The following GLYAT variants were observed in gnomAD, a reference collection of about 807,000 sequenced individuals.
GLYAT encodes glycine N-acyltransferase.
A neutral mutation model predicts 22.8 loss-of-function variants in GLYAT; 25 were observed. The observed-to-expected ratio is 1.09, with a 90% CI of 0.80 to 1.53. The LOEUF is 1.53. Among genes scored for constraint, GLYAT ranks in the 40% most tolerant of loss-of-function variants. GLYAT has a pLI of 0.00. For missense variants in GLYAT, 411 were observed against 353.9 expected, an observed-to-expected ratio of 1.16 and a Z score of -1.29; for synonymous variants, 140 against 122.7, an observed-to-expected ratio of 1.14 and a Z score of -0.93.
chr11:58,717,244 G>C (rs985095810), intron 2 of GLYAT, among the ~76,000 whole-genome samples: 17 of 152,078 alleles, frequency 1.1e-4, no homozygotes, highest in Admixed American at 7.2e-4. Flanking sequence ...CTTACGGCTA[G>C]GACAGTTTAT....
chr11:58,724,913 CT>C (rs1856796948), intron 1 of GLYAT, among the ~76,000 whole-genome samples: 2 of 152,056 alleles, frequency 1.3e-5, no homozygotes, highest in South Asian at 4.1e-4. Flanking sequence ...CACTATATCA[CT>C]CAGAATTTTT....
intron 1 of GLYAT, among the ~76,000 whole-genome samples, 199 bp from the exon 2 acceptor site, chr11:58,724,710 AC>A (rs1336928686): frequency 6.6e-6 from 1 of 152,004 alleles, no homozygotes; most frequent in East Asian, 1.9e-4. Context: ...CTTTTTTCTT[AC>A]CCTTTGATGA....
chr11:58,730,679 A>C (rs1308587819), intron 1 of GLYAT, among the ~76,000 whole-genome samples: 1 of 152,040 alleles, frequency 6.6e-6, no homozygotes, highest in Non-Finnish European at 1.5e-5. Context: ...CTAACCCTGG[A>C]CTCACTTGAG....
intron 2 of GLYAT, among the ~76,000 whole-genome samples, chr11:58,721,394 A>G (rs1269376118): frequency 6.6e-6 from 1 of 151,950 alleles, no homozygotes; most frequent in African/African-American, 2.4e-5. Flanking sequence ...TTAAATAACC[A>G]CGTAGCCTTT....
chr11:58,710,495 A>G (rs1856600711), intron 5 of GLYAT, 95 bp downstream of exon 5: 1 of 965,006 alleles, frequency 1.0e-6, no homozygotes, highest in South Asian at 1.4e-5. Flanking sequence ...TTTGTACAAC[A>G]TTGATTGTAG....
chr11:58,721,077 T>C (rs1196027044), intron 2 of GLYAT, among the ~76,000 whole-genome samples: 1 of 151,952 alleles, frequency 6.6e-6, no homozygotes, highest in East Asian at 1.9e-4. Flanking sequence ...TTGTATACAA[T>C]ACATAAATAC....
chr11:58,719,132 T>C (rs921247454), intron 2 of GLYAT, among the ~76,000 whole-genome samples: 34 of 152,004 alleles, frequency 2.2e-4, no homozygotes, highest in Non-Finnish European at 7.4e-5. Context: ...TTTTGGAAAG[T>C]TGTCAAATGT....
intron 2 of GLYAT, among the ~76,000 whole-genome samples, chr11:58,717,608 G>GAA (rs1165017643): frequency 6.6e-6 from 1 of 151,778 alleles, no homozygotes; most frequent in Admixed American, 6.6e-5. Context: ...TTGTAGCCAA[G>GAA]AAAAATAGAA....
intron 1 of GLYAT, among the ~76,000 whole-genome samples, chr11:58,728,124 G>C (rs1856829065): frequency 7.2e-6 from 1 of 138,678 alleles, no homozygotes; most frequent in African/African-American, 2.8e-5. Context: ...GTGCAGTGGT[G>C]CAATCTCGGC....
chr11:58,712,415 T>C (rs959698393), intron 4 of GLYAT, among the ~76,000 whole-genome samples: 2 of 152,112 alleles, frequency 1.3e-5, no homozygotes, highest in African/African-American at 4.8e-5. Context: ...TGGGAAGTAT[T>C]CTATGGCCAA....
rs542103727 is a variant in GLYAT at position 58,721,901 on chromosome 11, A to G, written c.81+2515T>C. Among the ~76,000 whole-genome samples the G allele has an allele frequency of 3.2e-3, 484 of 152,170 alleles. 2 individuals carry two copies. The highest frequency in any genetic ancestry group is 5.8e-3 in the Non-Finnish European group (396 of 67,962). Reference sequence around the variant, plus strand: ...TTTCAATTTGTCCAAGAAAAATACAAAGAACAAAAAAGTTAAGCAAAACTA... The same window carrying G: ...TTTCAATTTGTCCAAGAAAAATACAGAGAACAAAAAAGTTAAGCAAAACTA... On this transcript the variant is annotated intron_variant, in intron 2 of 5. Coordinates refer to ENST00000344743, the MANE Select transcript of GLYAT (RefSeq NM_201648.3).
intron 2 of GLYAT, among the ~76,000 whole-genome samples, chr11:58,723,059 A>T (rs924968950): frequency 9.2e-5 from 14 of 152,064 alleles, no homozygotes; most frequent in Admixed American, 9.2e-4. Flanking sequence ...CTTGGGAAAC[A>T]CCTAGAGTTT....
intron 2 of GLYAT, among the ~76,000 whole-genome samples, chr11:58,715,882 ATGTTCT>A (rs1362856674): frequency 6.6e-6 from 1 of 152,170 alleles, no homozygotes; most frequent in Non-Finnish European, 1.5e-5. Context: ...TCTTTATAGA[ATGTTCT>A]TTCACAGGAA....
chr11:58,714,541 A>T (rs1167859118), intron 3 of GLYAT, among the ~76,000 whole-genome samples: 2 of 152,158 alleles, frequency 1.3e-5, no homozygotes, highest in African/African-American at 4.8e-5. Context: ...GTCCCCACCC[A>T]AATCTCACCT....
chr11:58,729,594 T>C (rs1414146874), intron 1 of GLYAT, among the ~76,000 whole-genome samples: 2 of 152,204 alleles, frequency 1.3e-5, no homozygotes, highest in African/African-American at 4.8e-5. Context: ...AACGAATGAT[T>C]GAATACATGA....
In GLYAT at chr11:58,715,365, A is replaced by C. The variant is rs1856666837; in HGVS notation, c.140T>G (p.Val47Gly). Residue 47 changes from valine (V) to glycine (G), a missense_variant, in exon 3 of 6, where the codon GTG (valine) becomes GGG (glycine). Transcript: ENST00000344743. ...HGNPFNLKAV[V>G]DKWPDFNTVV... ...TGTATTAAAATCAGGCCACTTGTCC[A>C]CCACAGCCTTCAGATTGAATGGATT... is the stretch of plus-strand genomic sequence containing the variant. The C allele has an allele frequency of 1.2e-6, 2 of 1,604,106 alleles. No homozygotes were observed. Among genetic ancestry groups the C allele is most frequent in the Non-Finnish European group, 8.5e-7 (1 of 1,171,288 alleles).
chr11:58,726,867 G>T (rs568857945), intron 1 of GLYAT, among the ~76,000 whole-genome samples: 1 of 152,174 alleles, frequency 6.6e-6, no homozygotes, highest in East Asian at 1.9e-4. Context: ...AGCAATGCTT[G>T]GATTTGAGAG....
intron 3 of GLYAT, among the ~76,000 whole-genome samples, chr11:58,714,615 T>C (rs201548534): frequency 1.3e-5 from 2 of 152,102 alleles, no homozygotes; most frequent in Admixed American, 6.6e-5. Context: ...AATTGAATCA[T>C]TGGGGTGGTT....
rs1856581855 is a variant in GLYAT at position 58,709,504 on chromosome 11, A to T, written c.*262T>A. 3 of 350,878 alleles carry T rather than the reference A, an allele frequency of 8.5e-6. No individual in the cohort carries two copies. The highest frequency in any genetic ancestry group is 1.5e-5 in the Non-Finnish European group (3 of 193,586). 21.7% of individuals were successfully genotyped at this position (350,878 alleles called of 1,614,324 possible). ...AATTTGGAGCAATATGTATCTGATG[A>T]AGTGTCATAGAGGTCCTGGAAATGT... On this transcript the variant is annotated 3_prime_UTR_variant, in exon 6 of 6. Coordinates refer to ENST00000344743, the MANE Select transcript of GLYAT (RefSeq NM_201648.3).
Sources: gnomAD v4.1 joint callset for allele counts (sites outside exome capture counted in the v4.1 genomes callset) on GRCh38, gnomAD v4.1.1 for gene constraint, MANE v1.5 for transcripts, NCBI Gene and HGNC (gene_info 2026-07-23, HGNC 2026-07-21) for gene names.